The following GOLM1 variants were observed in gnomAD, a reference collection of about 807,000 sequenced individuals.
The protein encoded by GOLM1 is epididymis luminal protein 46.
A neutral mutation model predicts 50.5 loss-of-function variants in GOLM1; 31 were observed. That is an observed-to-expected ratio of 0.61 (90% CI 0.46 to 0.83). GOLM1 has a LOEUF of 0.83. Ranked by LOEUF, GOLM1 falls within the 40% of genes least tolerant of loss-of-function variation. The probability of loss-of-function intolerance (pLI) is 0.00; values close to 1 mark genes in which losing one functional copy is unlikely to be tolerated. For missense variants in GOLM1, 491 were observed against 501.3 expected (o/e 0.98, Z 0.20); for synonymous variants, 178 against 192.8 (o/e 0.92, Z 0.64).
chr9:86,053,829 C>G (rs1358846348), intron 3 of GOLM1, among the ~76,000 whole-genome samples: 2 of 144,550 alleles, frequency 1.4e-5, no homozygotes, highest in Non-Finnish European at 3.0e-5. Context: ...ACACACCAAA[C>G]CAAACCACAC....
At chr9:86,093,375 CAAAAA>C (rs34420567) in intron 1 of GOLM1, among the ~76,000 whole-genome samples, 2 of 109,340 alleles carry the variant, frequency 1.8e-5, no homozygotes, top group African/African-American at 3.4e-5. Flanking sequence ...GATTCTGCCT[CAAAAA>C]AAAAAAAAAA....
chr9:86,029,188 G>T (rs1164615262), intron 9 of GOLM1, among the ~76,000 whole-genome samples: 1 of 152,090 alleles, frequency 6.6e-6, no homozygotes, highest in Non-Finnish European at 1.5e-5. Flanking sequence ...TGTCCAAATG[G>T]ATGACCAACA....
At chr9:86,038,160 G>GA (rs552680791) in intron 6 of GOLM1, among the ~76,000 whole-genome samples, 1,944 of 88,310 alleles carry the variant, frequency 0.022, 29 homozygotes, top group South Asian at 0.06. Context: ...AACACCAAAA[G>GA]AAAAAAAAAA....
At chr9:86,071,557 T>C (rs1768084175) in intron 3 of GOLM1, among the ~76,000 whole-genome samples, 1 of 151,862 alleles carries the variant, frequency 6.6e-6, no homozygotes, top group Non-Finnish European at 1.5e-5. Context: ...TGCAGGTCTG[T>C]AATCCCAGCT....
chr9:86,035,605 C>T lies in GOLM1; in HGVS notation c.778G>A (p.Val260Met), dbSNP rs1339813054. Residue 260 changes from valine to methionine, a missense_variant, in exon 8 of 10, where the codon GTG becomes ATG. Val to Met is a conservative substitution (Grantham distance 21, BLOSUM62 1). Coordinates refer to ENST00000388712, the MANE Select transcript of GOLM1 (RefSeq NM_016548.4). Reference sequence around the variant, plus strand: ...TCCCTCTGAGGCTCCTCATTCACCACCTGGATCTCATTGGTTTCCTCTGTG... The same window carrying T: ...TCCCTCTGAGGCTCCTCATTCACCATCTGGATCTCATTGGTTTCCTCTGTG... ...VEKEETNEIQVVNEEPQRDRL... is the reference protein window; with the variant it reads ...VEKEETNEIQMVNEEPQRDRL... The T allele has an allele frequency of 6.2e-7, 1 of 1,602,072 alleles. No individual in the cohort carries two copies.
Position 86,026,172 on chromosome 9 carries a change from C to T in GOLM1, c.*1645G>A, listed in dbSNP as rs1564336339. ...AAGTTGAACAGAACATTTTATTTCT[C>T]AGCAATTCTATGCGTACAAATTAAA... On this transcript the variant is annotated 3_prime_UTR_variant, in exon 10 of 10. Transcript: ENST00000388712. The T allele has an allele frequency of 3.0e-6, 3 of 984,164 alleles. No individual in the cohort carries two copies. The highest frequency in any genetic ancestry group is 3.6e-6 in the Non-Finnish European group (3 of 828,824). The allele number at this position is 984,164 out of a possible 1,614,324, so 61.0% of individuals were successfully genotyped here. A position where few individuals can be genotyped will look rare whatever the true frequency, so the allele number is the denominator to read the frequency against.
chr9:86,032,768 T>G (rs1334267676), intron 9 of GOLM1, among the ~76,000 whole-genome samples: 1 of 152,194 alleles, frequency 6.6e-6, no homozygotes, highest in Non-Finnish European at 1.5e-5. Flanking sequence ...CCTGCTGTTA[T>G]GCCTCCTGGG....
At chr9:86,052,722 C>G in intron 3 of GOLM1, 131 bp from the exon 4 acceptor site, 2 of 705,778 alleles carry the variant, frequency 2.8e-6, no homozygotes, top group Non-Finnish European at 5.1e-6. Context: ...TCGCACTCAG[C>G]GCTCAGGCTG....
chr9:86,041,541 G>A (rs568794180), intron 5 of GOLM1, among the ~76,000 whole-genome samples: 36 of 152,318 alleles, frequency 2.4e-4, no homozygotes, highest in African/African-American at 7.0e-4. Flanking sequence ...TGACTCCACA[G>A]GGCAGCCGTT....
At chr9:86,057,430 G>C (rs1373615392) in intron 3 of GOLM1, among the ~76,000 whole-genome samples, 1 of 150,152 alleles carries the variant, frequency 6.7e-6, no homozygotes, top group African/African-American at 2.4e-5. Flanking sequence ...TTTTTTTTTT[G>C]AGTGAAACAG....
chr9:86,098,330 C>T (rs1316429256), intron 1 of GOLM1, among the ~76,000 whole-genome samples: 1 of 152,168 alleles, frequency 6.6e-6, no homozygotes, highest in Non-Finnish European at 1.5e-5. Flanking sequence ...CAAAAACTGA[C>T]AAGAGATTGT....
intron 3 of GOLM1, among the ~76,000 whole-genome samples, chr9:86,070,875 C>T (rs1834429250): frequency 1.3e-5 from 2 of 152,144 alleles, no homozygotes; most frequent in African/African-American, 4.8e-5. Context: ...ATCTGATCTG[C>T]AGGCCAGGAA....
At chr9:86,053,711 ACCGCATCACAGAC>A (rs1564347676) in intron 3 of GOLM1, among the ~76,000 whole-genome samples, 47 of 52,454 alleles carry the variant, frequency 9.0e-4, no homozygotes, top group Middle Eastern at 0.018. Context: ...CACATACCCC[ACCGCATCACAGAC>A]TGCTCCACTC....
intron 3 of GOLM1, among the ~76,000 whole-genome samples, chr9:86,073,571 C>T (rs2149545): frequency 0.36 from 54,395 of 151,956 alleles, 12,719 homozygotes; most frequent in African/African-American, 0.66. Flanking sequence ...TTTCATCTTC[C>T]ATTGCCCAAT....
intron 6 of GOLM1, among the ~76,000 whole-genome samples, chr9:86,039,765 C>T (rs550711830): frequency 2.6e-5 from 4 of 152,018 alleles, no homozygotes; most frequent in African/African-American, 9.7e-5. Flanking sequence ...GTCAGCCGTT[C>T]AAGACCAGCC....
At chr9:86,094,451 A>G (rs1304301930) in intron 1 of GOLM1, among the ~76,000 whole-genome samples, 3 of 152,224 alleles carry the variant, frequency 2.0e-5, no homozygotes, top group African/African-American at 7.2e-5. Context: ...CACTTCCCCA[A>G]AATGAACACC....
At chr9:86,097,283 A>C (rs983629873) in intron 1 of GOLM1, among the ~76,000 whole-genome samples, 1 of 152,180 alleles carries the variant, frequency 6.6e-6, no homozygotes, top group African/African-American at 2.4e-5. Context: ...CTAAGGTGAG[A>C]GCAAAAGCAT....
chr9:86,058,098 C>CA (rs1834043143), intron 3 of GOLM1, among the ~76,000 whole-genome samples: 1 of 152,154 alleles, frequency 6.6e-6, no homozygotes, highest in Non-Finnish European at 1.5e-5. Context: ...CTAGGAATGA[C>CA]ATAAGAATGA....
chr9:86,079,128 C>CATCATA, intron 2 of GOLM1, 64 bp downstream of exon 2: 1 of 1,385,282 alleles, frequency 7.2e-7, no homozygotes, highest in Non-Finnish European at 9.7e-7. Context: ...CCTGGGACCC[C>CATCATA]ATCATAACAA....
Sources: gnomAD v4.1 joint callset for allele counts (sites outside exome capture counted in the v4.1 genomes callset) on GRCh38, gnomAD v4.1.1 for gene constraint, MANE v1.5 for transcripts, NCBI Gene and HGNC (gene_info 2026-07-23, HGNC 2026-07-21) for gene names.